FNBP1L: variants seen among roughly 807,000 people sequenced by gnomAD.
FNBP1L encodes the protein formin-binding protein 1-like.
FNBP1L carries 36 observed loss-of-function variants against 91.2 expected under a neutral mutation model. That is an observed-to-expected ratio of 0.39 (90% confidence interval 0.30 to 0.52). FNBP1L has a LOEUF of 0.52. FNBP1L is among the 20% of genes least tolerant of loss of function. FNBP1L has a pLI of 0.66. For missense variants in FNBP1L, 571 were observed against 732.1 expected (o/e 0.78, Z 2.54); for synonymous variants, 242 against 237.0 (o/e 1.02, Z -0.19).
chr1:93,455,224 G>T (rs959920728), intron 1 of FNBP1L, among the ~76,000 whole-genome samples: 28 of 152,160 alleles, frequency 1.8e-4, no homozygotes, highest in Non-Finnish European at 3.4e-4. Flanking sequence ...CACCCCACCT[G>T]GCCTGTTTAT....
chr1:93,515,100 T>G (rs1469788904), intron 2 of FNBP1L, among the ~76,000 whole-genome samples: 1 of 151,936 alleles, frequency 6.6e-6, no homozygotes, highest in East Asian at 1.9e-4. Context: ...AAAAAGTGGG[T>G]GAAGGACATT....
intron 1 of FNBP1L, among the ~76,000 whole-genome samples, chr1:93,466,849 C>T (rs576569683): frequency 1.3e-5 from 2 of 152,244 alleles, no homozygotes; most frequent in East Asian, 1.9e-4. Context: ...GAATATTCTT[C>T]CATTTGTTTG....
At chr1:93,548,868 A>T (rs1211091535) in intron 14 of FNBP1L, among the ~76,000 whole-genome samples, 1 of 152,164 alleles carries the variant, frequency 6.6e-6, no homozygotes, top group Non-Finnish European at 1.5e-5. Context: ...GCCACTCCAG[A>T]TTCAGAATAG....
At chr1:93,546,024 G>A (rs1672214424) in intron 12 of FNBP1L, among the ~76,000 whole-genome samples, 1 of 152,032 alleles carries the variant, frequency 6.6e-6, no homozygotes, top group Non-Finnish European at 1.5e-5. Flanking sequence ...GAGAGGTCTG[G>A]AGATATGCAT....
intron 14 of FNBP1L, among the ~76,000 whole-genome samples, chr1:93,548,727 G>A (rs1222843009): frequency 1.3e-5 from 2 of 152,046 alleles, no homozygotes; most frequent in Non-Finnish European, 1.5e-5. Context: ...TGCAGGTTTC[G>A]AGTCCAGTAG....
chr1:93,523,141 G>GAA (rs1470731665), intron 3 of FNBP1L, among the ~76,000 whole-genome samples: 2 of 152,152 alleles, frequency 1.3e-5, no homozygotes, highest in African/African-American at 2.4e-5. Flanking sequence ...ACTAATAAAT[G>GAA]AAAGACTACT....
chr1:93,547,270 C>T (rs1344418576), intron 13 of FNBP1L, 77 bp from the exon 14 acceptor site: 2 of 1,192,512 alleles, frequency 1.7e-6, no homozygotes, highest in African/African-American at 1.5e-5. Flanking sequence ...AACTTAAACA[C>T]ATTTTAAATG....
At chr1:93,527,692 G>A (rs979613026) in intron 5 of FNBP1L, among the ~76,000 whole-genome samples, 3 of 152,026 alleles carry the variant, frequency 2.0e-5, no homozygotes, top group South Asian at 2.1e-4. Context: ...CGTAAAGCCC[G>A]ATCGGTGGAG....
intron 1 of FNBP1L, among the ~76,000 whole-genome samples, 166 bp from the exon 2 acceptor site, chr1:93,499,302 G>A (rs139176386): frequency 7.8e-4 from 119 of 152,228 alleles, no homozygotes; most frequent in Middle Eastern, 6.8e-3. Flanking sequence ...GCTTAGGGAC[G>A]ACCTATTTCT....
At chr1:93,516,202 A>T (rs1671104020) in intron 2 of FNBP1L, among the ~76,000 whole-genome samples, 1 of 152,058 alleles carries the variant, frequency 6.6e-6, no homozygotes, top group African/African-American at 2.4e-5. Context: ...GAAAAAAAAA[A>T]GTTTTCTCAT....
intron 15 of FNBP1L, 66 bp downstream of exon 15, chr1:93,549,492 A>T: frequency 7.9e-7 from 1 of 1,263,822 alleles, no homozygotes; most frequent in South Asian, 1.8e-5. Flanking sequence ...ACATCAAGTC[A>T]CTCACTGTAG....
At chr1:93,460,438 T>G (rs761676633) in intron 1 of FNBP1L, among the ~76,000 whole-genome samples, 25 of 152,216 alleles carry the variant, frequency 1.6e-4, no homozygotes, top group Admixed American at 3.3e-4. Flanking sequence ...ATACTTTCTT[T>G]TAGCAGCACA....
intron 1 of FNBP1L, among the ~76,000 whole-genome samples, chr1:93,481,241 T>A (rs981492220): frequency 3.3e-5 from 5 of 152,198 alleles, no homozygotes; most frequent in African/African-American, 1.2e-4. Context: ...CCATGTGTGC[T>A]CCTTTTTTTT....
At chr1:93,535,794 G>A (rs917990299) in intron 9 of FNBP1L, among the ~76,000 whole-genome samples, 3 of 151,272 alleles carry the variant, frequency 2.0e-5, no homozygotes, top group African/African-American at 7.3e-5. Flanking sequence ...AGCTAGAAGA[G>A]CTTAGATGTA....
Position 93,550,936 on chromosome 1 carries a change from CTCTCA to C in FNBP1L, c.1652-7_1652-3del. ...AATGCTTAAATTATGCTTGTGAAAACTCTCATCTAGGACATAATGAAGGTACTCTA... is the reference window on the plus strand; with the variant it reads ...AATGCTTAAATTATGCTTGTGAAAACTCTAGGACATAATGAAGGTACTCTA... On this transcript the variant is annotated splice_region_variant and splice_polypyrimidine_tract_variant and intron_variant, in intron 15 of 16. Coordinates refer to ENST00000271234, the MANE Select transcript of FNBP1L (RefSeq NM_001164473.3). The C allele has an allele frequency of 6.6e-7, 1 of 1,526,190 alleles. No homozygotes were observed. 94.5% of individuals were successfully genotyped at this position (1,526,190 alleles called of 1,614,324 possible).
intron 1 of FNBP1L, among the ~76,000 whole-genome samples, chr1:93,498,620 C>T (rs1256687032): frequency 2.6e-5 from 4 of 152,094 alleles, no homozygotes; most frequent in South Asian, 2.1e-4. Context: ...TTTTTTTCAG[C>T]ATTGCAGACT....
intron 1 of FNBP1L, chr1:93,488,459 C>T (rs993707477): frequency 2.0e-5 from 3 of 152,144 alleles, no homozygotes; most frequent in Admixed American, 6.6e-5. Context: ...GGACCTTGAG[C>T]TAGTTTTTAA....
intron 9 of FNBP1L, among the ~76,000 whole-genome samples, chr1:93,535,860 C>G (rs552022160): frequency 6.6e-6 from 1 of 151,592 alleles, no homozygotes; most frequent in African/African-American, 2.4e-5. Flanking sequence ...ATAGAAACAG[C>G]CTGAGAGGAA....
intron 1 of FNBP1L, among the ~76,000 whole-genome samples, chr1:93,474,573 T>A (rs1271814548): frequency 2.0e-5 from 3 of 152,214 alleles, no homozygotes; most frequent in Non-Finnish European, 4.4e-5. Context: ...TCTTCACACA[T>A]CCTGGTTCTT....
Sources: allele counts gnomAD v4.1 joint callset (sites outside exome capture counted in the v4.1 genomes callset), GRCh38; gene constraint gnomAD v4.1.1; transcripts MANE v1.5; gene names NCBI Gene and HGNC (gene_info 2026-07-23, HGNC 2026-07-21).